PDE1C: variants seen among roughly 807,000 people sequenced by gnomAD.
PDE1C encodes the protein phosphodiesterase 1C.
In PDE1C, 62 loss-of-function variants were observed where a neutral mutation model predicts 93.1. The ratio of observed to expected loss-of-function variants is 0.67; its 90% CI spans 0.54 to 0.82. PDE1C has a LOEUF of 0.82. Ranked by LOEUF, PDE1C falls within the 40% of genes least tolerant of loss-of-function variation. PDE1C has a pLI of 0.00. For synonymous variants in PDE1C, 325 were observed against 310.1 expected, an observed-to-expected ratio of 1.05 and a Z score of -0.50; for missense variants, 742 against 884.6, an observed-to-expected ratio of 0.84 and a Z score of 2.04.
the PDE1C span, among the ~76,000 whole-genome samples, chr7:31,731,193 T>C: frequency 6.6e-6 from 1 of 152,036 alleles, no homozygotes; most frequent in South Asian, 2.1e-4. Flanking sequence ...GATCAAGCCC[T>C]GAGGGAGGCG....
chr7:32,389,409 G>T (rs1784711113), intron 1 of PDE1C, among the ~76,000 whole-genome samples: 1 of 152,174 alleles, frequency 6.6e-6, no homozygotes, highest in Admixed American at 6.5e-5. Context: ...TAGAGACGGG[G>T]TTTCACCATG....
chr7:32,221,317 C>T (rs1162164610), intron 1 of PDE1C, among the ~76,000 whole-genome samples: 2 of 152,184 alleles, frequency 1.3e-5, no homozygotes, highest in Admixed American at 6.5e-5. Flanking sequence ...TTCCATCTCC[C>T]TCCATCAAGC....
At chr7:32,086,084 T>A (rs921172240) in intron 3 of PDE1C, among the ~76,000 whole-genome samples, 21 of 151,512 alleles carry the variant, frequency 1.4e-4, no homozygotes, top group African/African-American at 4.6e-4. Context: ...GCAGATGACA[T>A]GATTGTATAT....
intron 15 of PDE1C, among the ~76,000 whole-genome samples, chr7:31,812,523 T>C (rs932798750): frequency 3.9e-5 from 6 of 152,188 alleles, no homozygotes; most frequent in African/African-American, 1.4e-4. Flanking sequence ...GAATGGCTTT[T>C]ACATTTTTAA....
intron 2 of PDE1C, among the ~76,000 whole-genome samples, chr7:31,922,659 G>A (rs1308592766): frequency 6.6e-6 from 1 of 152,044 alleles, no homozygotes; most frequent in African/African-American, 2.4e-5. Flanking sequence ...AAGTGATTTG[G>A]GTGGACAAAA....
At chr7:31,640,558 G>T in the PDE1C span, among the ~76,000 whole-genome samples, 3 of 152,208 alleles carry the variant, frequency 2.0e-5, no homozygotes, top group Admixed American at 6.5e-5. Flanking sequence ...GCGCTAAGCT[G>T]GGTAACTATA....
chr7:31,930,238 A>AT (rs1804003101), intron 2 of PDE1C, among the ~76,000 whole-genome samples: 1 of 152,230 alleles, frequency 6.6e-6, no homozygotes, highest in East Asian at 1.9e-4. Context: ...TAGACCAATA[A>AT]CAAGTTCTGA....
chr7:32,314,885 A>G (rs1310694029), intron 1 of PDE1C, among the ~76,000 whole-genome samples: 1 of 151,944 alleles, frequency 6.6e-6, no homozygotes, highest in East Asian at 1.9e-4. Flanking sequence ...AAATTCATCT[A>G]GAACTTTTTT....
intron 17 of PDE1C, among the ~76,000 whole-genome samples, chr7:31,766,953 GT>G (rs113810509): frequency 9.9e-5 from 15 of 152,102 alleles, no homozygotes; most frequent in African/African-American, 3.4e-4. Flanking sequence ...TATGGCAAAA[GT>G]TTTTTTATGA....
At chr7:32,080,883 C>T (rs1460112477) in intron 3 of PDE1C, among the ~76,000 whole-genome samples, 1 of 152,186 alleles carries the variant, frequency 6.6e-6, no homozygotes, top group Non-Finnish European at 1.5e-5. Flanking sequence ...TGACTCGGCC[C>T]ATAATCCTTC....
At chr7:32,327,544 GGATCACGA>G (rs1783426609) in intron 1 of PDE1C, among the ~76,000 whole-genome samples, 1 of 152,114 alleles carries the variant, frequency 6.6e-6, no homozygotes, top group African/African-American at 2.4e-5. Context: ...CGAAGTGGGT[GGATCACGA>G]GATCAGGAGA....
At chr7:32,246,478 C>T (rs1266691254) in intron 1 of PDE1C, among the ~76,000 whole-genome samples, 2 of 122,848 alleles carry the variant, frequency 1.6e-5, no homozygotes, top group Admixed American at 1.5e-4. Context: ...CGAACACAGC[C>T]CTAACTAGCT....
intron 2 of PDE1C, among the ~76,000 whole-genome samples, chr7:31,976,639 C>T (rs368199755): frequency 7.2e-5 from 11 of 152,318 alleles, no homozygotes; most frequent in African/African-American, 2.6e-4. Flanking sequence ...CAGCCCACTG[C>T]CACCACTCTG....
intron 1 of PDE1C, among the ~76,000 whole-genome samples, chr7:32,281,950 A>C (rs1465131786): frequency 6.6e-6 from 1 of 152,102 alleles, no homozygotes; most frequent in Non-Finnish European, 1.5e-5. Flanking sequence ...CATAGGTGGG[A>C]GTTGAACAAT....
chr7:32,096,700 A>T (rs1411995118), intron 3 of PDE1C, among the ~76,000 whole-genome samples: 1 of 152,122 alleles, frequency 6.6e-6, no homozygotes, highest in Admixed American at 6.6e-5. Context: ...TCTGCACATA[A>T]CCTATGTTTT....
chr7:31,837,767 T>C, intron 10 of PDE1C, 103 bp downstream of exon 10: 1 of 737,990 alleles, frequency 1.4e-6, no homozygotes, highest in Non-Finnish European at 2.4e-6. Context: ...GAACACTCTA[T>C]AAAGTTGTGT....
chr7:32,138,178 A>C (rs1800313272), intron 3 of PDE1C, among the ~76,000 whole-genome samples: 1 of 152,168 alleles, frequency 6.6e-6, no homozygotes, highest in Admixed American at 6.5e-5. Context: ...CTTTTGAAAC[A>C]TGTGCCATAT....
chr7:32,226,996 T>C (rs1807328740), intron 1 of PDE1C, among the ~76,000 whole-genome samples: 1 of 152,100 alleles, frequency 6.6e-6, no homozygotes, highest in South Asian at 2.1e-4. Context: ...CATCCTCAAT[T>C]GCTTTCTTCC....
intron 1 of PDE1C, among the ~76,000 whole-genome samples, chr7:32,384,151 T>C (rs1272494256): frequency 2.6e-5 from 4 of 152,212 alleles, no homozygotes; most frequent in Admixed American, 2.6e-4. Context: ...ACCAGGTATT[T>C]AACAAGCTTG....
Sources: gnomAD v4.1 joint callset for allele counts (sites outside exome capture counted in the v4.1 genomes callset) on GRCh38, gnomAD v4.1.1 for gene constraint, MANE v1.5 for transcripts, NCBI Gene and HGNC (gene_info 2026-07-23, HGNC 2026-07-21) for gene names.